The following PTPN11 variants were observed in gnomAD, a reference collection of about 807,000 sequenced individuals.
PTPN11 encodes protein tyrosine phosphatase non-receptor type 11.
PTPN11 carries 6 observed loss-of-function variants against 78.8 expected under a neutral mutation model. The observed-to-expected ratio is 0.08, with a 90% CI of 0.04 to 0.15. PTPN11 has a LOEUF of 0.15. PTPN11 is among the 10% of genes least tolerant of loss of function. The pLI is 1.00. For missense variants in PTPN11, 386 were observed against 744.8 expected (o/e 0.52, Z 5.61); for synonymous variants, 221 against 263.5 (o/e 0.84, Z 1.56).
chr12:112,429,515 G>A (rs1456515680), intron 1 of PTPN11, among the ~76,000 whole-genome samples: 1 of 145,206 alleles, frequency 6.9e-6, no homozygotes, highest in Admixed American at 6.9e-5. Flanking sequence ...TTAAGAGACA[G>A]GGTGGGCCAG....
chr12:112,427,272 C>T (rs1010968842), intron 1 of PTPN11, among the ~76,000 whole-genome samples: 4 of 150,124 alleles, frequency 2.7e-5, no homozygotes, highest in East Asian at 2.0e-4. Context: ...ATAGGCTGGG[C>T]GTGGTGGCTC....
intron 1 of PTPN11, among the ~76,000 whole-genome samples, chr12:112,430,536 C>G (rs1333038283): frequency 1.3e-5 from 2 of 152,054 alleles, no homozygotes; most frequent in African/African-American, 4.8e-5. Flanking sequence ...TCAAGCAATC[C>G]TCCCGTCTCA....
chr12:112,447,980 T>G (rs1250751478), intron 2 of PTPN11, among the ~76,000 whole-genome samples: 7 of 151,904 alleles, frequency 4.6e-5, no homozygotes, highest in Non-Finnish European at 8.8e-5. Flanking sequence ...TTTTGTATTT[T>G]TTGTAGAGAC....
At chr12:112,457,866 AT>A (rs1321691999) in intron 6 of PTPN11, among the ~76,000 whole-genome samples, 2 of 152,326 alleles carry the variant, frequency 1.3e-5, no homozygotes, top group East Asian at 3.9e-4. Context: ...ATTCTGGCAT[AT>A]TTACCTTTGC....
At chr12:112,429,027 G>A (rs143476093) in intron 1 of PTPN11, among the ~76,000 whole-genome samples, 154 of 152,250 alleles carry the variant, frequency 1.0e-3, no homozygotes, top group African/African-American at 3.5e-3. Context: ...GATTACAGGC[G>A]TGAGCCACCG....
At chr12:112,426,485 G>A (rs2037617521) in intron 1 of PTPN11, among the ~76,000 whole-genome samples, 1 of 152,154 alleles carries the variant, frequency 6.6e-6, no homozygotes, top group Non-Finnish European at 1.5e-5. Flanking sequence ...TTGAACTCCT[G>A]ACTTCAGGTG....
Position 112,482,657 on chromosome 12 carries a change from G to T in PTPN11, c.1224+452G>T, listed in dbSNP as rs1371514498. Among the ~76,000 whole-genome samples the T allele has an allele frequency of 1.3e-5, 2 of 152,180 alleles. No homozygotes were observed. Among genetic ancestry groups the T allele is most frequent in the East Asian group, 3.8e-4 (2 of 5,202 alleles). ...CAAGTATCCACAGACTTCAGCAGTT[G>T]TTCTTTTTTGTTCCTTCCTTTGGAA... On this transcript the variant is annotated intron_variant, in intron 10 of 15. Transcript: ENST00000351677. This position sits in a 1 kb window ranked among gnomAD's most constrained non-coding sequence, Gnocchi z 4.4.
intron 7 of PTPN11, among the ~76,000 whole-genome samples, chr12:112,476,875 C>T (rs1337609253): frequency 1.3e-5 from 2 of 152,168 alleles, no homozygotes; most frequent in Non-Finnish European, 2.9e-5. Flanking sequence ...GTACCCATCA[C>T]CCAGCTTCAA....
intron 1 of PTPN11, among the ~76,000 whole-genome samples, chr12:112,430,679 C>T (rs779484117): frequency 6.6e-6 from 1 of 152,022 alleles, no homozygotes; most frequent in Non-Finnish European, 1.5e-5. Context: ...CTCGCTTCAG[C>T]CTTTAGAGTA....
At chr12:112,501,625 C>T (rs932205317) in intron 13 of PTPN11, among the ~76,000 whole-genome samples, 1 of 152,126 alleles carries the variant, frequency 6.6e-6, no homozygotes, top group Admixed American at 6.6e-5. Context: ...GCTCTGTCTC[C>T]AAACAAACAA....
At chr12:112,428,342 C>A (rs996479226) in intron 1 of PTPN11, among the ~76,000 whole-genome samples, 3 of 149,940 alleles carry the variant, frequency 2.0e-5, no homozygotes, top group African/African-American at 7.4e-5. Context: ...AAACTAAGCC[C>A]TATTGTGTCA....
intron 11 of PTPN11, among the ~76,000 whole-genome samples, chr12:112,487,942 C>T (rs1380890996): frequency 6.6e-6 from 1 of 151,952 alleles, no homozygotes; most frequent in East Asian, 1.9e-4. Context: ...TGACAACATG[C>T]CTGGCTAATT....
At chr12:112,442,857 T>TATATATATATATATAAATTATATATACAC (rs2037923997) in intron 1 of PTPN11, among the ~76,000 whole-genome samples, 3 of 76,140 alleles carry the variant, frequency 3.9e-5, no homozygotes, top group African/African-American at 1.9e-4. Context: ...TATATATATA[T>TATATATATATATATAAATTATATATACAC]ATATATATAT....
At chr12:112,502,597 A>G (rs1018550104) in intron 14 of PTPN11, among the ~76,000 whole-genome samples, 6 of 152,076 alleles carry the variant, frequency 3.9e-5, no homozygotes, top group African/African-American at 1.2e-4. Context: ...AAATACAAAA[A>G]TTAGCCGGGC....
chr12:112,448,108 A>G (rs2038022166), intron 2 of PTPN11, among the ~76,000 whole-genome samples: 1 of 150,638 alleles, frequency 6.6e-6, no homozygotes, highest in Non-Finnish European at 1.5e-5. Context: ...GGCCTGAGAA[A>G]TCTCATTCTT....
chr12:112,421,861 C>G (rs1168063564), intron 1 of PTPN11, among the ~76,000 whole-genome samples: 1 of 152,190 alleles, frequency 6.6e-6, no homozygotes, highest in African/African-American at 2.4e-5. Flanking sequence ...CTCCCGGGCT[C>G]AAGCGATCTT....
chr12:112,426,803 A>G (rs927810111), intron 1 of PTPN11, among the ~76,000 whole-genome samples: 2 of 151,522 alleles, frequency 1.3e-5, no homozygotes, highest in African/African-American at 4.9e-5. Context: ...TTTTTATTTT[A>G]TTTATTTTAT....
intron 10 of PTPN11, among the ~76,000 whole-genome samples, chr12:112,484,855 CCAGCCTTGGCAA>C (rs2038649409): frequency 6.6e-6 from 1 of 150,664 alleles, no homozygotes; most frequent in South Asian, 2.1e-4. Flanking sequence ...CCACTGCACT[CCAGCCTTGGCAA>C]CAGAGTGCCC....
intron 13 of PTPN11, among the ~76,000 whole-genome samples, chr12:112,493,750 T>TCTTATGTAA (rs1478157314): frequency 2.0e-5 from 3 of 152,206 alleles, no homozygotes; most frequent in Admixed American, 2.0e-4. Flanking sequence ...AATGTATTCA[T>TCTTATGTAA]CTTATGTAAC....
Sources: allele counts gnomAD v4.1 joint callset (sites outside exome capture counted in the v4.1 genomes callset), GRCh38; gene constraint gnomAD v4.1.1; non-coding constraint Gnocchi (gnomAD v3.1); transcripts MANE v1.5; gene names NCBI Gene and HGNC (gene_info 2026-07-23, HGNC 2026-07-21).